The following POFUT1 variants were observed in gnomAD, a reference collection of about 807,000 sequenced individuals.
POFUT1 encodes protein O-fucosyltransferase 1.
POFUT1 carries 16 observed loss-of-function variants against 42.4 expected under a neutral mutation model. The observed-to-expected ratio is 0.38, with a 90% CI of 0.26 to 0.57. POFUT1 has a LOEUF of 0.57. POFUT1 is among the 20% of genes least tolerant of loss of function. POFUT1 has a pLI of 0.71. For synonymous variants in POFUT1, 206 were observed against 205.4 expected (o/e 1.00, Z -0.03); for missense variants, 470 against 504.6 (o/e 0.93, Z 0.66).
intron 2 of POFUT1, among the ~76,000 whole-genome samples, chr20:32,211,453 G>A (rs977093219): frequency 6.6e-6 from 1 of 152,094 alleles, no homozygotes; most frequent in Non-Finnish European, 1.5e-5. Flanking sequence ...TGTATTTTTA[G>A]TAGAGACAGG....
chr20:32,216,458 A>G (rs1472900205), intron 3 of POFUT1, 151 bp from the exon 4 acceptor site: 1 of 616,798 alleles, frequency 1.6e-6, no homozygotes, highest in African/African-American at 1.8e-5. Context: ...TGGCCTAGGA[A>G]TTGCAGAGTG....
At position 32,218,916 on chromosome 20, in the gene POFUT1, AG is replaced by A. The variant is rs560132410; in HGVS notation, c.542+2198del. Among the ~76,000 whole-genome samples, 1,073 of 152,276 alleles carry A rather than the reference AG, an allele frequency of 7.0e-3. 5 individuals carry two copies. The highest frequency in any genetic ancestry group is 0.023 in the African/African-American group (963 of 41,538). Reference sequence around the variant, plus strand: ...TTCATTGAGTTGTAAGAATTACATGAGGGTTTGAAGAAGTTTGTGCCTTACA... The same window carrying A: ...TTCATTGAGTTGTAAGAATTACATGAGGTTTGAAGAAGTTTGTGCCTTACA... On this transcript the variant is annotated intron_variant, in intron 4 of 6. Transcript: ENST00000375749.
At position 32,231,003 on chromosome 20, in the gene POFUT1, A is replaced by C; in HGVS notation, c.920A>C (p.Tyr307Ser). The C allele has an allele frequency of 6.2e-7, 1 of 1,614,186 alleles. No homozygotes were observed. Among genetic ancestry groups the C allele is most frequent in the Non-Finnish European group, 8.5e-7 (1 of 1,180,030 alleles). The change falls in exon 6 of 7, where the codon TAC becomes TCC. Residue 307 changes from tyrosine (Y) to serine (S), a missense_variant. Coordinates refer to ENST00000375749, the MANE Select transcript of POFUT1 (RefSeq NM_015352.2). Reference protein sequence around the residue: ...WVRSLDAQSVYVATDSESYVP... With the variant: ...WVRSLDAQSVSVATDSESYVP... ...AGGTCGCTGGATGCCCAGTCGGTCT[A>C]CGTTGCTACTGATTCCGAGAGTTAT... is the stretch of plus-strand genomic sequence containing the variant.
rs926072602 is a variant in POFUT1 at position 32,235,871 on chromosome 20, A to C, written c.*1210A>C. 1.3e-5 allele frequency: 2 copies of C among 152,226 alleles called. No individual in the cohort carries two copies. Among genetic ancestry groups the C allele is most frequent in the African/African-American group, 2.4e-5 (1 of 41,460 alleles). 9.4% of individuals were successfully genotyped at this position (152,226 alleles called of 1,614,324 possible). A position where few individuals can be genotyped will look rare whatever the true frequency, so the allele number is the denominator to read the frequency against. On this transcript the variant is annotated 3_prime_UTR_variant, in exon 7 of 7. Transcript: ENST00000375749. ...CCTCCCTTGGCCTTTGATCCTGGAAAGGTGGCAGAGCCTCCACTGAGCCAG... is the reference window on the plus strand; with the variant it reads ...CCTCCCTTGGCCTTTGATCCTGGAACGGTGGCAGAGCCTCCACTGAGCCAG...
At chr20:32,231,253 C>A (rs1212623373) in intron 6 of POFUT1, 192 bp downstream of exon 6, 2 of 609,756 alleles carry the variant, frequency 3.3e-6, no homozygotes, top group Non-Finnish European at 5.7e-6. Context: ...AGGTTTTCAT[C>A]CACTCCTGGA....
Position 32,237,284 on chromosome 20 carries a change from A to G in POFUT1, c.*2623A>G, listed in dbSNP as rs1038091086. The G allele has an allele frequency of 1.9e-5, 3 of 157,134 alleles. No homozygotes were observed. Among genetic ancestry groups the G allele is most frequent in the African/African-American group, 7.2e-5 (3 of 41,542 alleles). The allele number at this position is 157,134 out of a possible 1,614,324, so 9.7% of individuals were successfully genotyped here. ...AATCAAGCGTAAAGTCTTTGTTCTC[A>G]AGGAATTTGCATTCTAGAAAGTAGA... On this transcript the variant is annotated 3_prime_UTR_variant, in exon 7 of 7. Coordinates refer to ENST00000375749, the MANE Select transcript of POFUT1 (RefSeq NM_015352.2).
intron 4 of POFUT1, among the ~76,000 whole-genome samples, chr20:32,226,126 G>GT (rs11483647): frequency 0.91 from 138,848 of 152,236 alleles, 63,518 homozygotes; most frequent in East Asian, 1. Flanking sequence ...GTTTTGTTTT[G>GT]TTTTTAAACC....
At chr20:32,216,537 C>T in intron 3 of POFUT1, 72 bp from the exon 4 acceptor site, 2 of 893,718 alleles carry the variant, frequency 2.2e-6, no homozygotes, top group South Asian at 2.8e-5. Context: ...CCCCCACCTA[C>T]ACTTCCCTGG....
At chr20:32,232,549 A>G (rs1312624097) in intron 6 of POFUT1, among the ~76,000 whole-genome samples, 1 of 152,184 alleles carries the variant, frequency 6.6e-6, no homozygotes, top group East Asian at 1.9e-4. Context: ...GGCCATGATT[A>G]AACTGGTATT....
At chr20:32,228,595 C>T in intron 5 of POFUT1, 140 bp downstream of exon 5, 1 of 690,616 alleles carries the variant, frequency 1.4e-6, no homozygotes, top group Non-Finnish European at 2.4e-6. Context: ...GTCCCATCAT[C>T]CCACTGCAGC....
intron 6 of POFUT1, among the ~76,000 whole-genome samples, chr20:32,232,749 T>C (rs975928095): frequency 6.6e-6 from 1 of 151,616 alleles, no homozygotes; most frequent in African/African-American, 2.4e-5. Flanking sequence ...GTTTTTGGAG[T>C]CAGTGTATCT....
Position 32,231,061 on chromosome 20 carries a change from G to T in POFUT1, c.978G>T (p.Lys326Asn). The change falls in exon 6 of 7, where the codon AAG becomes AAT. Residue 326 changes from lysine (K) to asparagine (N), a missense_variant and splice_region_variant. Lys to Asn is a moderately conservative substitution (Grantham distance 94). Coordinates refer to ENST00000375749, the MANE Select transcript of POFUT1 (RefSeq NM_015352.2). ...AGCTCCAACAGCTCTTCAAAGGGAA[G>T]GTATGTGTGGGCCAAGTGGGAGTGC... Reference protein sequence around the residue: ...VPELQQLFKGKVKVVSLKPEV... With the variant: ...VPELQQLFKGNVKVVSLKPEV... 6.2e-7 allele frequency: 1 copy of T among 1,614,152 alleles called. No individual in the cohort carries two copies. Among genetic ancestry groups the T allele is most frequent in the African/African-American group, 1.3e-5 (1 of 75,060 alleles).
Position 32,215,302 on chromosome 20 carries a change from G to C in POFUT1, c.280G>C (p.Glu94Gln). The C allele has an allele frequency of 1.2e-6, 2 of 1,613,514 alleles. No homozygotes were observed. The highest frequency in any genetic ancestry group is 1.7e-6 in the Non-Finnish European group (2 of 1,179,482). The change falls in exon 3 of 7, where the codon GAG becomes CAG. Residue 94 changes from glutamate (E) to glutamine (Q), a missense_variant. Physicochemically the swap from Glu to Gln is conservative, Grantham distance 29 (BLOSUM62 2). Transcript: ENST00000375749. Reference protein sequence around the residue: ...HVSYQKYFKLEPLQAYHRVIS... With the variant: ...HVSYQKYFKLQPLQAYHRVIS... ...GTCCTACCAGAAGTACTTCAAGCTGGAGCCCCTCCAGGCTTACCATCGGGT... is the reference window on the plus strand; with the variant it reads ...GTCCTACCAGAAGTACTTCAAGCTGCAGCCCCTCCAGGCTTACCATCGGGT...
chr20:32,223,396 A>C lies in POFUT1; in HGVS notation c.543-4867A>C, dbSNP rs1254979477. 5.1e-6 allele frequency: 5 copies of C among 985,252 alleles called. No homozygotes were observed. In the African/African-American group the frequency reaches 5.2e-5, roughly 10 times the overall value. The allele number at this position is 985,252 out of a possible 1,614,324, so 61.0% of individuals were successfully genotyped here. On this transcript the variant is annotated intron_variant, in intron 4 of 6. Transcript: ENST00000375749. ...GTTGGGTCTGAGCTGATGTTGTCCC[A>C]CTGGGACAGCTCTTTGCTGGTCCAG...
At chr20:32,228,202 G>C in intron 4 of POFUT1, 61 bp from the exon 5 acceptor site, 1 of 1,409,734 alleles carries the variant, frequency 7.1e-7, no homozygotes, top group Non-Finnish European at 9.8e-7. Flanking sequence ...TTTTTCCCGT[G>C]GGGGTGGCAG....
At chr20:32,209,584 G>A (rs2047315605) in intron 1 of POFUT1, among the ~76,000 whole-genome samples, 1 of 152,196 alleles carries the variant, frequency 6.6e-6, no homozygotes, top group Admixed American at 6.5e-5. Context: ...TTCACAGGCT[G>A]AGGAATCAGC....
chr20:32,210,376 G>A (rs1174406624), intron 2 of POFUT1, among the ~76,000 whole-genome samples, 184 bp downstream of exon 2: 1 of 152,164 alleles, frequency 6.6e-6, no homozygotes, highest in Non-Finnish European at 1.5e-5. Context: ...TGTTGTGTGC[G>A]GCTGCATGAG....
At chr20:32,221,127 G>C (rs148731966) in intron 4 of POFUT1, among the ~76,000 whole-genome samples, 1 of 152,132 alleles carries the variant, frequency 6.6e-6, no homozygotes, top group African/African-American at 2.4e-5. Flanking sequence ...CAAAACACGC[G>C]GGTTTATAGG....
chr20:32,213,221 G>A (rs763590258), intron 2 of POFUT1, among the ~76,000 whole-genome samples: 3 of 152,010 alleles, frequency 2.0e-5, no homozygotes, highest in Non-Finnish European at 4.4e-5. Flanking sequence ...TATGCCAGGC[G>A]CAGTGGGAGG....
Sources: gnomAD v4.1 joint callset for allele counts (sites outside exome capture counted in the v4.1 genomes callset) on GRCh38, gnomAD v4.1.1 for gene constraint, MANE v1.5 for transcripts, NCBI Gene and HGNC (gene_info 2026-07-23, HGNC 2026-07-21) for gene names.